The following MSRA variants were observed in gnomAD, a reference collection of about 807,000 sequenced individuals.
MSRA encodes mitochondrial peptide methionine sulfoxide reductase.
In MSRA, 54 loss-of-function variants were observed where a neutral mutation model predicts 31.3. The observed-to-expected ratio is 1.73, with a 90% CI of 1.39 to 2.17. MSRA has a LOEUF of 2.17. Ranked by LOEUF, MSRA falls within the 30% of genes most tolerant of loss-of-function variation. MSRA has a pLI of 0.00. For missense variants in MSRA, 507 were observed against 300.9 expected (o/e 1.69, Z -5.07); for synonymous variants, 169 against 116.5 (o/e 1.45, Z -2.90).
At chr8:10,379,059 G>A (rs982426520) in intron 5 of MSRA, among the ~76,000 whole-genome samples, 5 of 152,090 alleles carry the variant, frequency 3.3e-5, no homozygotes, top group South Asian at 2.1e-4. Context: ...GTATTAGTGC[G>A]TCTTTTCCAT....
At chr8:10,332,049 CA>C (rs1802733229) in intron 5 of MSRA, among the ~76,000 whole-genome samples, 1 of 152,106 alleles carries the variant, frequency 6.6e-6, no homozygotes, top group Non-Finnish European at 1.5e-5. Flanking sequence ...AATTTCCAAC[CA>C]TAGTTACAAT....
At chr8:10,289,829 T>A (rs1162435890) in intron 3 of MSRA, among the ~76,000 whole-genome samples, 1 of 152,184 alleles carries the variant, frequency 6.6e-6, no homozygotes, top group Non-Finnish European at 1.5e-5. Flanking sequence ...GTTGTTCTGT[T>A]TGTACTAACA....
intron 1 of MSRA, among the ~76,000 whole-genome samples, chr8:10,080,674 C>T (rs908877039): frequency 3.4e-5 from 5 of 148,350 alleles, no homozygotes; most frequent in South Asian, 2.2e-4. Context: ...TGCAGGCATG[C>T]GTTACCATGC....
At chr8:10,256,875 C>T (rs1343502726) in intron 3 of MSRA, among the ~76,000 whole-genome samples, 4 of 152,150 alleles carry the variant, frequency 2.6e-5, no homozygotes, top group African/African-American at 9.7e-5. Flanking sequence ...TCATCTCCTG[C>T]CCTCCTTCTC....
intron 2 of MSRA, among the ~76,000 whole-genome samples, chr8:10,222,299 C>A (rs995225762): frequency 6.6e-6 from 1 of 152,092 alleles, no homozygotes; most frequent in Non-Finnish European, 1.5e-5. Context: ...GGTTTTCTAT[C>A]CCTCTGTTTT....
chr8:10,111,265 C>T (rs557716584), intron 1 of MSRA, among the ~76,000 whole-genome samples: 4 of 152,248 alleles, frequency 2.6e-5, no homozygotes, highest in East Asian at 3.9e-4. Flanking sequence ...ATGACAAGTT[C>T]GGGTCTCCAG....
intron 2 of MSRA, among the ~76,000 whole-genome samples, chr8:10,220,051 C>G (rs1242534230): frequency 6.6e-6 from 1 of 151,642 alleles, no homozygotes; most frequent in African/African-American, 2.4e-5. Flanking sequence ...TACCTTAGGC[C>G]CAAGTAGTGT....
At chr8:10,101,473 G>A (rs1799524854) in intron 1 of MSRA, among the ~76,000 whole-genome samples, 1 of 152,128 alleles carries the variant, frequency 6.6e-6, no homozygotes, top group African/African-American at 2.4e-5. Context: ...TCAAGCCACA[G>A]AAGTCTTTTC....
At chr8:10,228,040 G>A (rs558629626) in intron 2 of MSRA, among the ~76,000 whole-genome samples, 1 of 152,280 alleles carries the variant, frequency 6.6e-6, no homozygotes, top group Non-Finnish European at 1.5e-5. Context: ...TTCTTTGCTG[G>A]ATAGCTGACC....
intron 2 of MSRA, among the ~76,000 whole-genome samples, chr8:10,244,229 G>T (rs1382529763): frequency 6.6e-6 from 1 of 152,164 alleles, no homozygotes; most frequent in Non-Finnish European, 1.5e-5. Context: ...TTTACATCTA[G>T]AAGTGGGCCA....
chr8:10,243,709 A>G (rs1324472620), intron 2 of MSRA, among the ~76,000 whole-genome samples: 3 of 152,192 alleles, frequency 2.0e-5, no homozygotes, highest in Admixed American at 6.5e-5. Context: ...TTATCACTTT[A>G]GTATACTTAG....
Position 10,086,815 on chromosome 8 carries a change from G to T in MSRA, c.142+32157G>T, listed in dbSNP as rs1012995264. Reference sequence around the variant, plus strand: ...CTAGTGGAGAAGGAAGGAGGGGAGGGAAAGGAGAGGAGAGGCGAAGAGAGG... The same window carrying T: ...CTAGTGGAGAAGGAAGGAGGGGAGGTAAAGGAGAGGAGAGGCGAAGAGAGG... On this transcript the variant is annotated intron_variant, in intron 1 of 5. Transcript: ENST00000317173. 2.7e-4 allele frequency among the ~76,000 whole-genome samples: 41 copies of T among 151,784 alleles called. 1 individual carries two copies. The highest frequency in any genetic ancestry group is 2.2e-4 in the Non-Finnish European group (15 of 67,930).
chr8:10,299,332 T>G (rs1800717592), intron 3 of MSRA, among the ~76,000 whole-genome samples: 1 of 152,306 alleles, frequency 6.6e-6, no homozygotes, highest in East Asian at 1.9e-4. Flanking sequence ...CAGAGATTTT[T>G]AATGCTTATG....
intron 1 of MSRA, among the ~76,000 whole-genome samples, chr8:10,200,709 G>T (rs1315798974): frequency 6.6e-6 from 1 of 152,142 alleles, no homozygotes; most frequent in Non-Finnish European, 1.5e-5. Flanking sequence ...GCTATTGGGG[G>T]CAAAACCCAC....
At chr8:10,277,836 A>T (rs1799405069) in intron 3 of MSRA, among the ~76,000 whole-genome samples, 1 of 72,570 alleles carries the variant, frequency 1.4e-5, no homozygotes, top group African/African-American at 4.8e-5. Context: ...TCAACAATGT[A>T]TACATATTTG....
intron 5 of MSRA, among the ~76,000 whole-genome samples, chr8:10,380,507 C>G (rs1264068562): frequency 6.6e-6 from 1 of 152,184 alleles, no homozygotes; most frequent in Non-Finnish European, 1.5e-5. Flanking sequence ...ATGGTGTGGC[C>G]TCTTTTCCTG....
chr8:10,396,777 G>A (rs1267105320), intron 5 of MSRA, among the ~76,000 whole-genome samples: 1 of 152,172 alleles, frequency 6.6e-6, no homozygotes, highest in Non-Finnish European at 1.5e-5. Flanking sequence ...CCTCAAGATT[G>A]TTAAGTGAAT....
At chr8:10,069,063 A>G (rs1242146149) in intron 1 of MSRA, among the ~76,000 whole-genome samples, 1 of 152,170 alleles carries the variant, frequency 6.6e-6, no homozygotes, top group Non-Finnish European at 1.5e-5. Flanking sequence ...TGTGATTTCA[A>G]ATTCCAGTTG....
At chr8:10,291,809 G>T (rs982542784) in intron 3 of MSRA, among the ~76,000 whole-genome samples, 1 of 152,118 alleles carries the variant, frequency 6.6e-6, no homozygotes, top group Non-Finnish European at 1.5e-5. Flanking sequence ...AAAAATTACT[G>T]TGTCTCCCTC....
Sources: allele counts gnomAD v4.1 joint callset (sites outside exome capture counted in the v4.1 genomes callset), GRCh38; gene constraint gnomAD v4.1.1; transcripts MANE v1.5; gene names NCBI Gene and HGNC (gene_info 2026-07-23, HGNC 2026-07-21).